Variants in DGCR2 observed in about 807,000 individuals in gnomAD.
DGCR2 encodes the protein integral membrane protein DGCR2/IDD.
DGCR2 carries 24 observed loss-of-function variants against 51.6 expected under a neutral mutation model. The observed-to-expected ratio is 0.47, with a 90% CI of 0.34 to 0.65. The LOEUF (loss-of-function observed/expected upper bound fraction) is 0.65. Ranked by LOEUF, DGCR2 falls within the 30% of genes least tolerant of loss-of-function variation. The probability of loss-of-function intolerance (pLI) is 0.01; values close to 1 mark genes in which losing one functional copy is unlikely to be tolerated. For synonymous variants in DGCR2, 340 were observed against 315.4 expected (o/e 1.08, Z -0.82); for missense variants, 765 against 772.1 (o/e 0.99, Z 0.11).
At chr22:19,098,566 T>C (rs1257972367) in intron 1 of DGCR2, among the ~76,000 whole-genome samples, 1 of 152,056 alleles carries the variant, frequency 6.6e-6, no homozygotes, top group African/African-American at 2.4e-5. Context: ...CGAGTATACA[T>C]ATAGGGACAT....
At chr22:19,119,340 T>G (rs973759122) in intron 1 of DGCR2, among the ~76,000 whole-genome samples, 1 of 152,150 alleles carries the variant, frequency 6.6e-6, no homozygotes, top group African/African-American at 2.4e-5. Flanking sequence ...TAAATGAGGC[T>G]AAAAACAGCA....
At chr22:19,083,618 T>G (rs985875239) in intron 2 of DGCR2, among the ~76,000 whole-genome samples, 122 of 152,208 alleles carry the variant, frequency 8.0e-4, no homozygotes, top group African/African-American at 2.7e-3. Context: ...CAAATTTTTC[T>G]CCCTCAAAAA....
intron 2 of DGCR2, among the ~76,000 whole-genome samples, chr22:19,074,980 C>A (rs1002845382): frequency 6.6e-6 from 1 of 152,122 alleles, no homozygotes; most frequent in Non-Finnish European, 1.5e-5. Context: ...TGTGCCAGTC[C>A]CTTCCAATCC....
At chr22:19,093,982 G>A (rs774484265) in intron 1 of DGCR2, among the ~76,000 whole-genome samples, 19 of 151,974 alleles carry the variant, frequency 1.3e-4, no homozygotes, top group Non-Finnish European at 2.4e-4. Context: ...CTCCAGCTTA[G>A]GCAACAGCAA....
chr22:19,099,839 C>T (rs2083181925), intron 1 of DGCR2, among the ~76,000 whole-genome samples: 1 of 151,862 alleles, frequency 6.6e-6, no homozygotes, highest in Admixed American at 6.6e-5. Flanking sequence ...GGCATGGTGG[C>T]ACATGTCTGT....
chr22:19,067,951 G>A, intron 3 of DGCR2, 149 bp downstream of exon 3: 5 of 1,129,110 alleles, frequency 4.4e-6, no homozygotes, highest in East Asian at 3.0e-5. Flanking sequence ...ACTGCGGGTG[G>A]GTCATCATGC....
chr22:19,063,072 T>G, intron 5 of DGCR2, 130 bp downstream of exon 5: 1 of 754,744 alleles, frequency 1.3e-6, no homozygotes, highest in Non-Finnish European at 2.1e-6. Flanking sequence ...TCCCTGCAAC[T>G]GGGGCTCACC....
intron 5 of DGCR2, chr22:19,061,158 A>C: frequency 1.3e-5 from 3 of 223,238 alleles, no homozygotes; most frequent in East Asian, 1.5e-4. Context: ...GGGGGCCAAC[A>C]CCTCAGACCC....
intron 1 of DGCR2, among the ~76,000 whole-genome samples, chr22:19,118,940 G>A (rs2083402130): frequency 6.6e-6 from 1 of 152,222 alleles, no homozygotes; most frequent in Admixed American, 6.5e-5. Flanking sequence ...TACCTCAGCA[G>A]TAGTCTCCAA....
At chr22:19,083,698 T>TCCCCCG (rs1569070479) in intron 2 of DGCR2, among the ~76,000 whole-genome samples, 1 of 53,810 alleles carries the variant, frequency 1.9e-5, no homozygotes, top group African/African-American at 7.6e-5. Flanking sequence ...CTCTCCCCCC[T>TCCCCCG]CCCCCTCCCC....
intron 1 of DGCR2, among the ~76,000 whole-genome samples, chr22:19,096,902 A>T (rs865832318): frequency 6.6e-6 from 1 of 151,986 alleles, no homozygotes; most frequent in African/African-American, 2.4e-5. Flanking sequence ...AACAAAAAAA[A>T]AAAACACCCT....
chr22:19,048,816 G>A (rs1290586635), intron 6 of DGCR2, among the ~76,000 whole-genome samples, 173 bp from the exon 7 acceptor site: 1 of 152,232 alleles, frequency 6.6e-6, no homozygotes, highest in Non-Finnish European at 1.5e-5. Flanking sequence ...ATGCCCACTA[G>A]AGTAATGGCA....
intron 6 of DGCR2, chr22:19,056,368 C>T (rs145032464): frequency 2.1e-4 from 71 of 343,002 alleles, no homozygotes; most frequent in African/African-American, 1.3e-3. Flanking sequence ...GCACCATGCT[C>T]GGCAACATCA....
At chr22:19,066,259 G>A (rs573311033) in intron 3 of DGCR2, among the ~76,000 whole-genome samples, 1 of 152,158 alleles carries the variant, frequency 6.6e-6, no homozygotes, top group Non-Finnish European at 1.5e-5. Context: ...GAATTAGCCA[G>A]GTGTGGTGGG....
chr22:19,062,775 G>GCTCTCGCTCTCTCTCTCTCTCTCTCTCT (rs1491258740), intron 5 of DGCR2, among the ~76,000 whole-genome samples: 1 of 108,860 alleles, frequency 9.2e-6, no homozygotes, highest in Non-Finnish European at 1.9e-5. Flanking sequence ...ACACATGCAT[G>GCTCTCGCTCTCTCTCTCTCTCTCTCTCT]CTCACTCTCT....
chr22:19,048,287 T>A, intron 7 of DGCR2, 153 bp downstream of exon 7: 1 of 760,238 alleles, frequency 1.3e-6, no homozygotes, highest in Non-Finnish European at 2.1e-6. Flanking sequence ...GGCATCAAAG[T>A]CTCTGAGACA....
chr22:19,059,949 C>T (rs1412063551), intron 5 of DGCR2, among the ~76,000 whole-genome samples: 4 of 152,164 alleles, frequency 2.6e-5, no homozygotes, highest in Non-Finnish European at 2.9e-5. Context: ...TTTCTGAGCC[C>T]TCAAAGAACC....
intron 1 of DGCR2, 111 bp downstream of exon 1, chr22:19,122,017 T>C: frequency 2.0e-6 from 1 of 500,046 alleles, no homozygotes; most frequent in Non-Finnish European, 2.9e-6. Flanking sequence ...CGCCCGCCCC[T>C]GCCCCAGGCG....
intron 8 of DGCR2, 104 bp from the exon 9 acceptor site, chr22:19,041,398 T>C (rs928483379): frequency 8.9e-7 from 1 of 1,120,994 alleles, no homozygotes; most frequent in Non-Finnish European, 1.3e-6. Context: ...CGTCCCTGAG[T>C]GCACACACCT....
Sources: allele counts gnomAD v4.1 joint callset (sites outside exome capture counted in the v4.1 genomes callset), GRCh38; gene constraint gnomAD v4.1.1; transcripts MANE v1.5; gene names NCBI Gene and HGNC (gene_info 2026-07-23, HGNC 2026-07-21).